MRPS35: variants seen among roughly 807,000 people sequenced by gnomAD.
MRPS35 encodes small ribosomal subunit protein mS35.
A neutral mutation model predicts 32.7 loss-of-function variants in MRPS35; 29 were observed. The observed-to-expected ratio is 0.89, with a 90% CI of 0.66 to 1.21. MRPS35 has a LOEUF of 1.21. MRPS35 is among the 50% of genes most tolerant of loss of function. The pLI is 0.00. For missense variants in MRPS35, 373 were observed against 383.8 expected, an observed-to-expected ratio of 0.97 and a Z score of 0.23; for synonymous variants, 148 against 139.3, an observed-to-expected ratio of 1.06 and a Z score of -0.44.
At chr12:27,711,176 G>C (rs1270935212) in intron 1 of MRPS35, among the ~76,000 whole-genome samples, 1 of 152,238 alleles carries the variant, frequency 6.6e-6, no homozygotes, top group East Asian at 1.9e-4. Flanking sequence ...TGCTCTGGGA[G>C]TTTGCTCAGA....
At position 27,716,405 on chromosome 12, in the gene MRPS35, C is replaced by T; in HGVS notation, c.268C>T (p.Pro90Ser). 4 of 1,614,100 alleles carry T rather than the reference C, an allele frequency of 2.5e-6. No individual in the cohort carries two copies. Among genetic ancestry groups the T allele is most frequent in the Non-Finnish European group, 3.4e-6 (4 of 1,180,032 alleles). ...AVPLPVRMGY[P>S]VKKGVPMAKE... Reference sequence around the variant, plus strand: ...ACCTCTTCCTGTTCGAATGGGTTATCCAGTAAAAAAGGGCGTGCCCATGGC... The same window carrying T: ...ACCTCTTCCTGTTCGAATGGGTTATTCAGTAAAAAAGGGCGTGCCCATGGC... Residue 90 changes from proline (P) to serine (S), a missense_variant, in exon 3 of 8, where the codon CCA becomes TCA. Transcript: ENST00000081029.
chr12:27,719,839 C>T lies in MRPS35; in HGVS notation c.353C>T (p.Ala118Val). The change falls in exon 4 of 8, where the codon GCA becomes GTA. Residue 118 changes from alanine to valine, a missense_variant. Coordinates refer to ENST00000081029, the MANE Select transcript of MRPS35 (RefSeq NM_021821.4). ...AATTTTCTGCATTTGACTCCTGTAG[C>T]AATTAAAAAGCACTGTGAAGCCCTT... ...IPNFLHLTPV[A>V]IKKHCEALKD... 1.2e-6 allele frequency: 2 copies of T among 1,607,848 alleles called. No homozygotes were observed. Among genetic ancestry groups the T allele is most frequent in the Non-Finnish European group, 1.7e-6 (2 of 1,175,334 alleles).
intron 5 of MRPS35, among the ~76,000 whole-genome samples, chr12:27,726,960 C>CTT (rs140813983): frequency 0.016 from 1,925 of 123,220 alleles, 81 homozygotes; most frequent in African/African-American, 0.03. Flanking sequence ...TGATGATGTC[C>CTT]TTTTTTTTTT....
chr12:27,738,499 T>C (rs546901012), intron 7 of MRPS35, among the ~76,000 whole-genome samples: 1 of 152,360 alleles, frequency 6.6e-6, no homozygotes, highest in South Asian at 2.1e-4. Flanking sequence ...TATGTACATT[T>C]ATAAGGAAGA....
intron 7 of MRPS35, among the ~76,000 whole-genome samples, chr12:27,737,955 TTAAA>T (rs1246910110): frequency 6.6e-6 from 1 of 152,212 alleles, no homozygotes; most frequent in African/African-American, 2.4e-5. Context: ...TTCATCCTCT[TTAAA>T]TAAACTGCAG....
rs148692601 is a variant in MRPS35, at chr12:27,710,877, C to T, written c.34C>T (p.Leu12=). 275 of 1,611,450 alleles carry T rather than the reference C, an allele frequency of 1.7e-4. 1 individual carries two copies. Among genetic ancestry groups the T allele is most frequent in the Admixed American group, 8.3e-5 (5 of 60,002 alleles). Residue 12 remains leucine (L), a synonymous_variant, in exon 1 of 8, where the codon CTG becomes TTG. Transcript: ENST00000081029. ...CGCCGCGCTCCCAGCATGGCTGTCT[C>T]TGCAGTCGAGGGCAAGGACTCTGCG... ...AAAALPAWLS[L]QSRARTLRAF... is the part of the protein sequence containing the mutation.
chr12:27,737,301 A>G (rs1422699060), intron 6 of MRPS35, among the ~76,000 whole-genome samples: 1 of 152,254 alleles, frequency 6.6e-6, no homozygotes, highest in African/African-American at 2.4e-5. Context: ...ACATACAGAT[A>G]ACTCCATTAG....
rs767871106 is a variant in MRPS35, at chr12:27,716,321, G to A, written c.184G>A (p.Val62Ile). 2 of 1,611,328 alleles carry A rather than the reference G, an allele frequency of 1.2e-6. No homozygotes were observed. The highest frequency in any genetic ancestry group is 1.7e-4 in the Middle Eastern group (1 of 6,052). The part of the protein sequence containing the change: ...ALPPRTEKMA[V>I]DQDWPSVYPV... The stretch of plus-strand genomic sequence containing the variant: ...ACCTCCTAGGACAGAGAAAATGGCT[G>A]TTGACCAGGACTGGCCTAGTGTTTA... Residue 62 changes from valine to isoleucine, a missense_variant, in exon 3 of 8, where the codon GTT (valine) becomes ATT (isoleucine). Val to Ile is a conservative substitution (Grantham distance 29, BLOSUM62 3). Transcript: ENST00000081029.
At chr12:27,712,413 T>C (rs2061831281) in intron 1 of MRPS35, among the ~76,000 whole-genome samples, 1 of 152,188 alleles carries the variant, frequency 6.6e-6, no homozygotes, top group Admixed American at 6.5e-5. Context: ...TGATATAATG[T>C]GATTTACGTT....
At chr12:27,737,481 A>G (rs2061946916) in intron 6 of MRPS35, 58 bp from the exon 7 acceptor site, 4 of 1,427,078 alleles carry the variant, frequency 2.8e-6, no homozygotes, top group Admixed American at 3.4e-5. Flanking sequence ...ATATTTTGCA[A>G]ATTTTTCTGT....
intron 2 of MRPS35, 76 bp downstream of exon 2, chr12:27,714,896 G>A (rs2061843617): frequency 1.5e-6 from 2 of 1,302,996 alleles, no homozygotes; most frequent in East Asian, 2.3e-5. Context: ...TTATAAGGCA[G>A]AAGGGTGTTA....
At chr12:27,723,300 C>CT (rs1262723490) in intron 4 of MRPS35, among the ~76,000 whole-genome samples, 4 of 151,746 alleles carry the variant, frequency 2.6e-5, no homozygotes, top group Non-Finnish European at 4.4e-5. Flanking sequence ...CATTAGGGGC[C>CT]TGAGTTTATG....
intron 5 of MRPS35, among the ~76,000 whole-genome samples, chr12:27,733,025 TATATATA>T (rs1450969315): frequency 5.0e-5 from 3 of 60,142 alleles, no homozygotes; most frequent in African/African-American, 1.7e-4. Context: ...TATATATATA[TATATATA>T]TATATATATC....
chr12:27,737,411 G>A, intron 6 of MRPS35, 128 bp from the exon 7 acceptor site: 1 of 683,740 alleles, frequency 1.5e-6, no homozygotes, highest in Non-Finnish European at 2.6e-6. Flanking sequence ...TCCAAAAACA[G>A]TTTTCCTAAA....
intron 1 of MRPS35, among the ~76,000 whole-genome samples, chr12:27,712,359 AT>A (rs1445913677): frequency 6.6e-6 from 1 of 152,046 alleles, no homozygotes; most frequent in African/African-American, 2.4e-5. Flanking sequence ...TTTCATTTGG[AT>A]TTTTGGCTTG....
At chr12:27,747,366 G>A (rs995328402) in intron 7 of MRPS35, among the ~76,000 whole-genome samples, 4 of 152,058 alleles carry the variant, frequency 2.6e-5, no homozygotes, top group Non-Finnish European at 4.4e-5. Context: ...TAGACTGTGA[G>A]ATCACTGAGG....
At chr12:27,743,205 G>A (rs2061970484) in intron 7 of MRPS35, among the ~76,000 whole-genome samples, 1 of 151,906 alleles carries the variant, frequency 6.6e-6, no homozygotes. Context: ...ACCATCCTGT[G>A]TCAAATATCA....
intron 5 of MRPS35, among the ~76,000 whole-genome samples, chr12:27,727,023 C>T (rs954074329): frequency 1.4e-5 from 2 of 142,744 alleles, no homozygotes; most frequent in Non-Finnish European, 3.0e-5. Context: ...TGCAGTGGCT[C>T]GATCTCAGCT....
chr12:27,735,825 T>C (rs2061941241), intron 6 of MRPS35, among the ~76,000 whole-genome samples: 1 of 152,158 alleles, frequency 6.6e-6, no homozygotes, highest in Non-Finnish European at 1.5e-5. Context: ...AAGAGAGAGA[T>C]TAGAAGAAAA....
Sources: gnomAD v4.1 joint callset for allele counts (sites outside exome capture counted in the v4.1 genomes callset) on GRCh38, gnomAD v4.1.1 for gene constraint, MANE v1.5 for transcripts, NCBI Gene and HGNC (gene_info 2026-07-23, HGNC 2026-07-21) for gene names.